The following FUBP1 variants were observed in gnomAD, a reference collection of about 807,000 sequenced individuals.
FUBP1 encodes far upstream element-binding protein 1.
A neutral mutation model predicts 94.9 loss-of-function variants in FUBP1; 16 were observed. The ratio of observed to expected loss-of-function variants is 0.17; its 90% confidence interval spans 0.11 to 0.26. The LOEUF (loss-of-function observed/expected upper bound fraction) is 0.26. Among genes scored for constraint, FUBP1 ranks in the 10% least tolerant of loss-of-function variants. The pLI, the probability that FUBP1 is intolerant of heterozygous loss-of-function variation, is 1.00. For synonymous variants in FUBP1, 279 were observed against 254.9 expected (o/e 1.09, Z -0.90); for missense variants, 583 against 808.6 (o/e 0.72, Z 3.38).
intron 1 of FUBP1, among the ~76,000 whole-genome samples, chr1:77,976,769 A>G (rs1035253225): frequency 1.3e-5 from 2 of 152,220 alleles, no homozygotes; most frequent in African/African-American, 4.8e-5. Context: ...CTGGGACTAC[A>G]GGCGTGAGCC....
intron 18 of FUBP1, 135 bp from the exon 19 acceptor site, chr1:77,949,435 C>CAAA: frequency 2.0e-6 from 1 of 498,984 alleles, no homozygotes; most frequent in Non-Finnish European, 3.4e-6. Context: ...CCTTGTTGAC[C>CAAA]AAAAAAAAAA....
chr1:77,975,318 A>G (rs1658392691), intron 1 of FUBP1, among the ~76,000 whole-genome samples: 1 of 152,216 alleles, frequency 6.6e-6, no homozygotes, highest in Non-Finnish European at 1.5e-5. Context: ...TTACCATACC[A>G]TAACTTGCTT....
Position 77,955,264 on chromosome 1 carries a change from T to C in FUBP1, c.1771A>G (p.Lys591Glu). Residue 591 changes from lysine to glutamate, a missense_variant, in exon 18 of 20, where the codon AAG (lysine) becomes GAG (glutamate). Transcript: ENST00000370768. Reference protein sequence around the residue: ...DYTKAWEEYYKKMGQAVPAPT... With the variant: ...DYTKAWEEYYEKMGQAVPAPT... The stretch of plus-strand genomic sequence containing the variant: ...AATGTATAAAACATACCCATTTTCT[T>C]GTAGTACTCTTCCCAAGCCTTGGTA... 2.2e-6 allele frequency: 3 copies of C among 1,394,962 alleles called. No individual in the cohort carries two copies. Among genetic ancestry groups the C allele is most frequent in the Non-Finnish European group, 3.1e-6 (3 of 980,148 alleles). 86.4% of individuals were successfully genotyped at this position (1,394,962 alleles called of 1,614,324 possible).
intron 1 of FUBP1, among the ~76,000 whole-genome samples, chr1:77,971,925 A>G (rs1261567048): frequency 6.6e-6 from 1 of 151,218 alleles, no homozygotes; most frequent in African/African-American, 2.4e-5. Flanking sequence ...GAACTGCTTG[A>G]ACCCAGGAAG....
In FUBP1 at chr1:77,948,643, A is replaced by AAT; in HGVS notation, c.*122_*123insAT. 1 of 1,360,546 alleles carries AAT rather than the reference A, an allele frequency of 7.3e-7. No individual in the cohort carries two copies. Among genetic ancestry groups the AAT allele is most frequent in the Non-Finnish European group, 9.7e-7 (1 of 1,026,842 alleles). The allele number at this position is 1,360,546 out of a possible 1,614,324, so 84.3% of individuals were successfully genotyped here. A position where few individuals can be genotyped will look rare whatever the true frequency, so the allele number is the denominator to read the frequency against. ...ACATTTTCAAAAAAAAAAAAAAAAAAGGAAACACTATTTTAAACCAAAAAC... is the reference window on the plus strand; with the variant it reads ...ACATTTTCAAAAAAAAAAAAAAAAAAATGGAAACACTATTTTAAACCAAAAAC... On this transcript the variant is annotated 3_prime_UTR_variant, in exon 20 of 20. Coordinates refer to ENST00000370768, the MANE Select transcript of FUBP1 (RefSeq NM_003902.5).
chr1:77,971,040 CAAAACAAAAAAAATAA>C (rs1459523606), intron 1 of FUBP1, among the ~76,000 whole-genome samples: 49 of 149,514 alleles, frequency 3.3e-4, no homozygotes, highest in African/African-American at 9.1e-4. Flanking sequence ...ACAAACAAAA[CAAAACAAAAAAAATAA>C]AAAACAAAAA....
At chr1:77,956,321 G>C (rs1654450026) in intron 17 of FUBP1, among the ~76,000 whole-genome samples, 1 of 152,194 alleles carries the variant, frequency 6.6e-6, no homozygotes, top group African/African-American at 2.4e-5. Flanking sequence ...ACACATGTAT[G>C]ATATAGATGG....
In FUBP1 at chr1:77,966,709, G is replaced by A. The variant is rs2102416847; in HGVS notation, c.458C>T (p.Thr153Ile). The A allele has an allele frequency of 6.5e-7, 1 of 1,542,708 alleles. No individual in the cohort carries two copies. Among genetic ancestry groups the A allele is most frequent in the Non-Finnish European group, 9.0e-7 (1 of 1,115,304 alleles). ...LPERSCMLTG[T>I]PESVQSAKRL... is the part of the protein sequence containing the mutation. ...TCAAACTTACTGGACAGATTCAGGT[G>A]TTCCAGTTAACATACAGGACCTTTC... Residue 153 changes from threonine (T) to isoleucine (I), a missense_variant, in exon 7 of 20, where the codon ACA (threonine) becomes ATA (isoleucine). Coordinates refer to ENST00000370768, the MANE Select transcript of FUBP1 (RefSeq NM_003902.5).
chr1:77,976,816 C>T (rs1658687366), intron 1 of FUBP1, among the ~76,000 whole-genome samples: 1 of 152,178 alleles, frequency 6.6e-6, no homozygotes, highest in South Asian at 2.1e-4. Context: ...TTAATTAAAG[C>T]ATTGCAACAC....
intron 16 of FUBP1, among the ~76,000 whole-genome samples, chr1:77,959,884 C>T (rs916434904): frequency 6.6e-5 from 10 of 152,220 alleles, no homozygotes; most frequent in Admixed American, 6.5e-4. Flanking sequence ...ACATACTACA[C>T]ATTTGACAGC....
At chr1:77,949,334 C>T (rs1337869602) in intron 18 of FUBP1, 34 bp from the exon 19 acceptor site, 2 of 1,573,286 alleles carry the variant, frequency 1.3e-6, no homozygotes, top group South Asian at 1.1e-5. Flanking sequence ...GCTGTAACCA[C>T]AATTATAAGC....
At chr1:77,964,218 G>A (rs757446378) in intron 11 of FUBP1, 36 bp downstream of exon 11, 3 of 1,533,610 alleles carry the variant, frequency 2.0e-6, no homozygotes, top group South Asian at 2.2e-5. Flanking sequence ...AAAACTCACT[G>A]CTGCCAACAC....
At chr1:77,965,023 G>A (rs769603693) in intron 8 of FUBP1, 46 bp downstream of exon 8, 1 of 1,585,608 alleles carries the variant, frequency 6.3e-7, no homozygotes, top group Non-Finnish European at 8.7e-7. Context: ...ACAAAAATGG[G>A]CATCAAAACA....
rs1047407211 is a variant in FUBP1, at chr1:77,944,607, A to G, written c.*4159T>C. Among the ~76,000 whole-genome samples, 1 of 151,960 alleles carries G rather than the reference A, an allele frequency of 6.6e-6. No individual in the cohort carries two copies. The highest frequency in any genetic ancestry group is 2.4e-5 in the African/African-American group (1 of 41,440). On this transcript the variant is annotated 3_prime_UTR_variant, in exon 20 of 20. Coordinates refer to ENST00000370768, the MANE Select transcript of FUBP1 (RefSeq NM_003902.5). ...ATCCTCACTGATTAGTAAACTCTAC[A>G]TCATTATTCTACACAACAGATAACT...
Position 77,944,989 on chromosome 1 carries a change from C to T in FUBP1, c.*3777G>A, listed in dbSNP as rs373877391. Among the ~76,000 whole-genome samples, 69 of 152,090 alleles carry T rather than the reference C, an allele frequency of 4.5e-4. No individual in the cohort carries two copies. In the East Asian group the frequency reaches 8.5e-3, roughly 19 times the overall value. On this transcript the variant is annotated 3_prime_UTR_variant, in exon 20 of 20. Transcript: ENST00000370768. ...TGTTTAAGTGCTAAATAAGTCAGTT[C>T]AGTTTCAATCTAAACTATACATTGT...
chr1:77,955,828 A>G (rs1400662163), intron 17 of FUBP1, among the ~76,000 whole-genome samples: 2 of 152,292 alleles, frequency 1.3e-5, no homozygotes, highest in African/African-American at 4.8e-5. Context: ...CAGTAGCAAC[A>G]AGCATACTCA....
At chr1:77,974,889 T>C (rs916484942) in intron 1 of FUBP1, among the ~76,000 whole-genome samples, 2 of 152,222 alleles carry the variant, frequency 1.3e-5, no homozygotes, top group Non-Finnish European at 1.5e-5. Context: ...AGTCCCTCAG[T>C]ATCCCTGGGG....
chr1:77,963,657 T>G lies in FUBP1; in HGVS notation c.1100A>C (p.Asn367Thr). 6.2e-7 allele frequency: 1 copy of G among 1,608,648 alleles called. No homozygotes were observed. The highest frequency in any genetic ancestry group is 1.1e-5 in the South Asian group (1 of 90,962). ...GGRGRGRGQG[N>T]WNMGPPGGLQ... is the part of the protein sequence containing the mutation. ...TCCACCAGGTGGTCCCATGTTCCAG[T>G]TGCCTTGACCTCTACCTCTTCCTCG... is the stretch of plus-strand genomic sequence containing the variant. Residue 367 changes from asparagine to threonine, a missense_variant, in exon 13 of 20, where the codon AAC becomes ACC. Coordinates refer to ENST00000370768, the MANE Select transcript of FUBP1 (RefSeq NM_003902.5).
rs1007818226 is a variant in FUBP1, at chr1:77,948,566, T to G, written c.*200A>C. 1.0e-5 allele frequency: 13 copies of G among 1,297,578 alleles called. No homozygotes were observed. Among genetic ancestry groups the G allele is most frequent in the Non-Finnish European group, 1.3e-5 (13 of 1,006,456 alleles). The allele number at this position is 1,297,578 out of a possible 1,614,324, so 80.4% of individuals were successfully genotyped here. Reference sequence around the variant, plus strand: ...CTAAATACTAAAAACAAACCAATTTTCATTTCTACACAGAAATATTAACCT... The same window carrying G: ...CTAAATACTAAAAACAAACCAATTTGCATTTCTACACAGAAATATTAACCT... On this transcript the variant is annotated 3_prime_UTR_variant, in exon 20 of 20. Coordinates refer to ENST00000370768, the MANE Select transcript of FUBP1 (RefSeq NM_003902.5).
Sources: allele counts gnomAD v4.1 joint callset (sites outside exome capture counted in the v4.1 genomes callset), GRCh38; gene constraint gnomAD v4.1.1; transcripts MANE v1.5; gene names NCBI Gene and HGNC (gene_info 2026-07-23, HGNC 2026-07-21).